The following CAMK1D variants were observed in gnomAD, a reference collection of about 807,000 sequenced individuals.
CAMK1D encodes calcium/calmodulin dependent protein kinase ID, also known as calcium/calmodulin-dependent protein kinase type 1D.
A neutral mutation model predicts 47.7 loss-of-function variants in CAMK1D; 9 were observed. The ratio of observed to expected loss-of-function variants is 0.19; its 90% confidence interval spans 0.11 to 0.33. CAMK1D has a LOEUF of 0.33. CAMK1D is among the 10% of genes least tolerant of loss of function. The pLI, the probability that CAMK1D is intolerant of heterozygous loss-of-function variation, is 1.00. For missense variants in CAMK1D, 291 were observed against 488.7 expected (o/e 0.60, Z 3.81); for synonymous variants, 184 against 184.9 (o/e 0.99, Z 0.04).
chr10:12,499,069 CTTTTTTT>C (rs35158100), intron 1 of CAMK1D, among the ~76,000 whole-genome samples: 7 of 123,112 alleles, frequency 5.7e-5, no homozygotes, highest in Non-Finnish European at 1.0e-4. Context: ...TAAATTACAG[CTTTTTTT>C]TTTTTTTTTT....
chr10:12,623,648 T>G (rs1327218353), intron 2 of CAMK1D, among the ~76,000 whole-genome samples: 1 of 151,932 alleles, frequency 6.6e-6, no homozygotes, highest in East Asian at 1.9e-4. Flanking sequence ...ATGGTTGCCC[T>G]GGAGAATTTG....
At chr10:12,575,237 G>T (rs1837457482) in intron 2 of CAMK1D, among the ~76,000 whole-genome samples, 1 of 151,948 alleles carries the variant, frequency 6.6e-6, no homozygotes, top group Non-Finnish European at 1.5e-5. Context: ...AGATTACAGG[G>T]TCCTGCCACC....
chr10:12,688,130 GT>G (rs1406179358), intron 3 of CAMK1D, among the ~76,000 whole-genome samples: 1 of 152,174 alleles, frequency 6.6e-6, no homozygotes, highest in Non-Finnish European at 1.5e-5. Context: ...GTTCTGATTT[GT>G]TTAGTAAGGT....
At chr10:12,757,394 A>C (rs1429810216) in intron 3 of CAMK1D, among the ~76,000 whole-genome samples, 1 of 152,100 alleles carries the variant, frequency 6.6e-6, no homozygotes, top group Non-Finnish European at 1.5e-5. Context: ...GGGGAACTTC[A>C]TTTCTGATGT....
chr10:12,705,231 C>T (rs556182043), intron 3 of CAMK1D, among the ~76,000 whole-genome samples: 2 of 152,156 alleles, frequency 1.3e-5, no homozygotes. Flanking sequence ...GAGGCTGAGG[C>T]AGGCAGATCA....
chr10:12,726,119 T>C (rs1834620202), intron 3 of CAMK1D, among the ~76,000 whole-genome samples: 1 of 151,926 alleles, frequency 6.6e-6, no homozygotes, highest in Non-Finnish European at 1.5e-5. Context: ...ATTGATGACT[T>C]GGTAATGTTA....
At chr10:12,771,346 G>T (rs1217878766) in intron 5 of CAMK1D, among the ~76,000 whole-genome samples, 1 of 152,220 alleles carries the variant, frequency 6.6e-6, no homozygotes, top group East Asian at 1.9e-4. Context: ...GGTCTTTGGG[G>T]ACATCCACAG....
intron 1 of CAMK1D, among the ~76,000 whole-genome samples, chr10:12,430,578 T>G (rs1832437845): frequency 6.6e-6 from 1 of 152,160 alleles, no homozygotes; most frequent in Non-Finnish European, 1.5e-5. Context: ...CATTGCTGAT[T>G]TTGCAAACAC....
At chr10:12,407,582 G>A (rs1839483304) in intron 1 of CAMK1D, among the ~76,000 whole-genome samples, 1 of 152,180 alleles carries the variant, frequency 6.6e-6, no homozygotes, top group African/African-American at 2.4e-5. Context: ...CTGAGACCCT[G>A]AGGGCAGGGA....
At chr10:12,400,932 T>C (rs1839154617) in intron 1 of CAMK1D, among the ~76,000 whole-genome samples, 1 of 148,164 alleles carries the variant, frequency 6.7e-6, no homozygotes, top group Non-Finnish European at 1.5e-5. Context: ...ACCTGTGCAA[T>C]ATAGCGAGGC....
intron 1 of CAMK1D, among the ~76,000 whole-genome samples, chr10:12,493,668 AT>A (rs1252877651): frequency 1.4e-4 from 21 of 151,728 alleles, no homozygotes; most frequent in African/African-American, 5.1e-4. Flanking sequence ...TAATTTTTGT[AT>A]TTTTAGTAGG....
intron 3 of CAMK1D, among the ~76,000 whole-genome samples, chr10:12,704,714 T>C (rs970268301): frequency 2.6e-5 from 4 of 152,186 alleles, no homozygotes; most frequent in African/African-American, 9.7e-5. Context: ...GGGTGGTGCA[T>C]TGCAATCTGC....
In CAMK1D at chr10:12,623,424, C is replaced by CCTCTCTCCCTCT. The variant is rs1839103250; in HGVS notation, c.225-43309_225-43308insTCTCCCTCTCTC. ...CCCTTCCTCCCTCCTTTCTTTCCTT[C>CCTCTCTCCCTCT]CTCCCTCCCTCCCTTCTTTCCTTCC... On this transcript the variant is annotated intron_variant, in intron 2 of 10. Coordinates refer to ENST00000619168, the MANE Select transcript of CAMK1D (RefSeq NM_153498.4). 9.6e-4 allele frequency among the ~76,000 whole-genome samples: 2 copies of CCTCTCTCCCTCT among 2,076 alleles called. 1 individual carries two copies. The highest frequency in any genetic ancestry group is 2.6e-3 in the Non-Finnish European group (2 of 764). The allele number at this position is 2,076 out of a possible 152,430, so 1.4% of individuals were successfully genotyped here.
At chr10:12,424,064 A>G (rs781301362) in intron 1 of CAMK1D, among the ~76,000 whole-genome samples, 16 of 152,084 alleles carry the variant, frequency 1.1e-4, no homozygotes, top group Non-Finnish European at 1.6e-4. Flanking sequence ...CTAACTGGCC[A>G]TGGAAACTTC....
intron 1 of CAMK1D, among the ~76,000 whole-genome samples, chr10:12,457,996 A>G (rs1833307478): frequency 6.6e-6 from 1 of 152,156 alleles, no homozygotes; most frequent in East Asian, 1.9e-4. Context: ...ATCATGTAGA[A>G]AAGCAAGTCA....
intron 1 of CAMK1D, among the ~76,000 whole-genome samples, chr10:12,389,543 C>T (rs1011091550): frequency 2.6e-5 from 4 of 152,048 alleles, no homozygotes; most frequent in South Asian, 2.1e-4. Context: ...CCTCTCTGCA[C>T]GTTGGCAGAA....
At chr10:12,502,335 C>T (rs1258534176) in intron 1 of CAMK1D, among the ~76,000 whole-genome samples, 2 of 152,162 alleles carry the variant, frequency 1.3e-5, no homozygotes, top group African/African-American at 2.4e-5. Context: ...GGTGATGTAC[C>T]GTGCAAGCTG....
At chr10:12,653,045 G>T (rs549942328) in intron 2 of CAMK1D, 1 of 153,828 alleles carries the variant, frequency 6.5e-6, no homozygotes, top group South Asian at 2.1e-4. Flanking sequence ...AGTCCAAGGT[G>T]GAGGGGCTGC....
intron 7 of CAMK1D, among the ~76,000 whole-genome samples, chr10:12,815,765 CCCAAGTAGG>C (rs1832768134): frequency 6.6e-6 from 1 of 152,244 alleles, no homozygotes; most frequent in Non-Finnish European, 1.5e-5. Context: ...TTTGTAATAG[CCCAAGTAGG>C]CCACACATGG....
Sources: allele counts gnomAD v4.1 joint callset (sites outside exome capture counted in the v4.1 genomes callset), GRCh38; gene constraint gnomAD v4.1.1; transcripts MANE v1.5; gene names NCBI Gene and HGNC (gene_info 2026-07-23, HGNC 2026-07-21).